ADAMTS12: variants seen among roughly 807,000 people sequenced by gnomAD.
The protein encoded by ADAMTS12 is ADAM metallopeptidase with thrombospondin type 1 motif 12, also known as A disintegrin and metalloproteinase with thrombospondin motifs 12.
In ADAMTS12, 118 loss-of-function variants were observed where a neutral mutation model predicts 167.8. That is an observed-to-expected ratio of 0.70 (90% CI 0.61 to 0.82). ADAMTS12 has a LOEUF of 0.82. Ranked by LOEUF, ADAMTS12 falls within the 40% of genes least tolerant of loss-of-function variation. ADAMTS12 has a pLI of 0.00. For missense variants in ADAMTS12, 1,916 were observed against 1,998.8 expected (o/e 0.96, Z 0.79); for synonymous variants, 704 against 716.9 (o/e 0.98, Z 0.29).
chr5:33,838,317 T>C (rs1748610597), intron 2 of ADAMTS12, among the ~76,000 whole-genome samples: 2 of 152,234 alleles, frequency 1.3e-5, no homozygotes, highest in East Asian at 1.9e-4. Flanking sequence ...AATTAAAACA[T>C]TGGAAATGAT....
At chr5:33,782,624 TA>T (rs1746173867) in intron 2 of ADAMTS12, among the ~76,000 whole-genome samples, 1 of 151,940 alleles carries the variant, frequency 6.6e-6, no homozygotes, top group Admixed American at 6.6e-5. Flanking sequence ...ACCATAATCA[TA>T]AAAGAGCTAG....
intron 2 of ADAMTS12, among the ~76,000 whole-genome samples, chr5:33,795,727 G>A (rs1462760945): frequency 6.6e-6 from 1 of 152,174 alleles, no homozygotes; most frequent in East Asian, 1.9e-4. Flanking sequence ...CAGCCCAAAT[G>A]TGGAGGGTTT....
At chr5:33,554,373 G>A (rs1272712563) in intron 20 of ADAMTS12, among the ~76,000 whole-genome samples, 1 of 152,162 alleles carries the variant, frequency 6.6e-6, no homozygotes, top group African/African-American at 2.4e-5. Context: ...GACATTGGTG[G>A]TCTTGGGGTC....
chr5:33,584,957 T>C (rs775728379), intron 18 of ADAMTS12, among the ~76,000 whole-genome samples: 1 of 152,208 alleles, frequency 6.6e-6, no homozygotes, highest in Non-Finnish European at 1.5e-5. Flanking sequence ...CTCCATGATC[T>C]CAGCCAGGAC....
intron 3 of ADAMTS12, among the ~76,000 whole-genome samples, chr5:33,704,310 G>A (rs1379629517): frequency 6.6e-6 from 1 of 152,096 alleles, no homozygotes; most frequent in Non-Finnish European, 1.5e-5. Context: ...AATGAACATG[G>A]GAAAGCAGAT....
At chr5:33,589,870 A>G (rs1747549333) in intron 17 of ADAMTS12, among the ~76,000 whole-genome samples, 1 of 152,238 alleles carries the variant, frequency 6.6e-6, no homozygotes, top group Non-Finnish European at 1.5e-5. Flanking sequence ...TTTACTAAAT[A>G]TTAGATTTAT....
At chr5:33,552,185 CT>C (rs1389888088) in intron 20 of ADAMTS12, among the ~76,000 whole-genome samples, 2 of 152,164 alleles carry the variant, frequency 1.3e-5, no homozygotes, top group Non-Finnish European at 2.9e-5. Flanking sequence ...CCTTTTCTTT[CT>C]TGTGCTATTT....
intron 16 of ADAMTS12, among the ~76,000 whole-genome samples, chr5:33,604,907 G>A (rs146218324): frequency 4.9e-4 from 74 of 152,274 alleles, no homozygotes; most frequent in Non-Finnish European, 1.3e-4. Context: ...TACATTTAGA[G>A]AAATCTAATG....
At chr5:33,789,574 T>C (rs2112454592) in intron 2 of ADAMTS12, among the ~76,000 whole-genome samples, 1 of 152,290 alleles carries the variant, frequency 6.6e-6, no homozygotes, top group South Asian at 2.1e-4. Context: ...AGGAGGAAAA[T>C]GGCTAGTGGC....
At chr5:33,566,195 G>A (rs1746007478) in intron 19 of ADAMTS12, among the ~76,000 whole-genome samples, 4 of 152,194 alleles carry the variant, frequency 2.6e-5, no homozygotes, top group Admixed American at 2.6e-4. Context: ...TTGAATAGTG[G>A]TTCATGCCAA....
At position 33,756,642 on chromosome 5, in the gene ADAMTS12, T is replaced by C. The variant is rs1348362487; in HGVS notation, c.490-5094A>G. On this transcript the variant is annotated intron_variant, in intron 2 of 23. Coordinates refer to ENST00000504830, the MANE Select transcript of ADAMTS12 (RefSeq NM_030955.4). ...TGCTGTGATGCCTAAGTGGCCTCCA[T>C]GAAGCCAATGAAGAGAGTGACCAGT... 5.9e-5 allele frequency among the ~76,000 whole-genome samples: 9 copies of C among 152,164 alleles called. No homozygotes were observed. The South Asian group carries it at 1.7e-3, about 28-fold the overall frequency.
chr5:33,552,172 A>G (rs1298762494), intron 20 of ADAMTS12, among the ~76,000 whole-genome samples: 2 of 152,206 alleles, frequency 1.3e-5, no homozygotes, highest in Non-Finnish European at 2.9e-5. Context: ...AATGAAATCA[A>G]AACCTTTTCT....
At chr5:33,859,057 T>C (rs1283556032) in intron 2 of ADAMTS12, among the ~76,000 whole-genome samples, 7 of 152,148 alleles carry the variant, frequency 4.6e-5, no homozygotes, top group Non-Finnish European at 1.0e-4. Context: ...ACCAGGGCCC[T>C]GGATTTCAAG....
intron 2 of ADAMTS12, among the ~76,000 whole-genome samples, chr5:33,832,519 T>G (rs897143573): frequency 1.3e-5 from 2 of 152,210 alleles, no homozygotes; most frequent in African/African-American, 4.8e-5. Flanking sequence ...CTTCTTGTAC[T>G]CAGATTTAAA....
intron 22 of ADAMTS12, 86 bp from the exon 23 acceptor site, chr5:33,535,078 G>T: frequency 2.2e-6 from 3 of 1,365,760 alleles, no homozygotes; most frequent in South Asian, 1.5e-5. Flanking sequence ...TCCCACTGTG[G>T]TCAAGAATGG....
chr5:33,585,962 T>C (rs992948728), intron 18 of ADAMTS12, among the ~76,000 whole-genome samples: 1 of 152,162 alleles, frequency 6.6e-6, no homozygotes, highest in African/African-American at 2.4e-5. Flanking sequence ...TACTTCCTCT[T>C]TCTTCTCACT....
intron 14 of ADAMTS12, among the ~76,000 whole-genome samples, chr5:33,623,378 T>C (rs1008909021): frequency 1.3e-5 from 2 of 152,084 alleles, no homozygotes; most frequent in Non-Finnish European, 2.9e-5. Flanking sequence ...TGGAAAGTGG[T>C]GTATATTATC....
chr5:33,682,274 A>G (rs1458678334), intron 5 of ADAMTS12, among the ~76,000 whole-genome samples: 1 of 152,194 alleles, frequency 6.6e-6, no homozygotes, highest in African/African-American at 2.4e-5. Flanking sequence ...TGATTTGGGG[A>G]ATGGAGGTGG....
At chr5:33,701,473 A>C (rs1158931503) in intron 3 of ADAMTS12, among the ~76,000 whole-genome samples, 2 of 152,194 alleles carry the variant, frequency 1.3e-5, no homozygotes, top group Non-Finnish European at 2.9e-5. Context: ...CTTGAAGCTC[A>C]AAGGGGAGTG....
Sources: gnomAD v4.1 joint callset for allele counts (sites outside exome capture counted in the v4.1 genomes callset) on GRCh38, gnomAD v4.1.1 for gene constraint, MANE v1.5 for transcripts, NCBI Gene and HGNC (gene_info 2026-07-23, HGNC 2026-07-21) for gene names.